The following ANKRD6 variants were observed in gnomAD, a reference collection of about 807,000 sequenced individuals.
The protein encoded by ANKRD6 is ankyrin repeat domain-containing protein 6.
Under a neutral mutation model 82.3 loss-of-function variants are expected in ANKRD6, and 56 were observed. The ratio of observed to expected loss-of-function variants is 0.68; its 90% CI spans 0.55 to 0.85. The LOEUF (loss-of-function observed/expected upper bound fraction) is 0.85. Ranked by LOEUF, ANKRD6 falls within the 40% of genes least tolerant of loss-of-function variation. The pLI, the probability that ANKRD6 is intolerant of heterozygous loss-of-function variation, is 0.00. For missense variants in ANKRD6, 852 were observed against 907.6 expected (o/e 0.94, Z 0.79); for synonymous variants, 347 against 352.1 (o/e 0.99, Z 0.16).
At chr6:89,505,824 T>C (rs1278707146) in intron 1 of ANKRD6, among the ~76,000 whole-genome samples, 1 of 152,254 alleles carries the variant, frequency 6.6e-6, no homozygotes, top group Non-Finnish European at 1.5e-5. Context: ...ATAGCCAAGA[T>C]GTGGAAATAA....
At chr6:89,495,811 A>G (rs1400871513) in intron 1 of ANKRD6, among the ~76,000 whole-genome samples, 3 of 152,190 alleles carry the variant, frequency 2.0e-5, no homozygotes, top group Admixed American at 1.3e-4. Context: ...CATGCTGTCT[A>G]GGACACTTTT....
At chr6:89,507,487 A>G (rs866745986) in intron 1 of ANKRD6, among the ~76,000 whole-genome samples, 2 of 152,222 alleles carry the variant, frequency 1.3e-5, no homozygotes, top group Non-Finnish European at 1.5e-5. Flanking sequence ...AAAGTTAATC[A>G]AGTGTCTTTA....
chr6:89,627,521 G>T, intron 13 of ANKRD6, 62 bp from the exon 14 acceptor site: 1 of 1,533,616 alleles, frequency 6.5e-7, no homozygotes, highest in South Asian at 1.1e-5. Context: ...TGCAGGAGCT[G>T]AGAAGCCAGG....
At position 89,558,937 on chromosome 6, in the gene ANKRD6, G is replaced by A. The variant is rs141472207; in HGVS notation, c.-143-7897G>A. Among the ~76,000 whole-genome samples, 136 of 152,160 alleles carry A rather than the reference G, an allele frequency of 8.9e-4. 2 individuals are homozygous for A. In the East Asian group the frequency reaches 0.017, roughly 19 times the overall value. On this transcript the variant is annotated intron_variant, in intron 1 of 15. Transcript: ENST00000339746. ...AAGGAGAGGAAAGGATGGAATAGAA[G>A]AAATAAATGAAGGAGGAAACAGGGC...
chr6:89,488,535 C>CA (rs1215293409), intron 1 of ANKRD6, among the ~76,000 whole-genome samples: 1 of 152,158 alleles, frequency 6.6e-6, no homozygotes, highest in Non-Finnish European at 1.5e-5. Flanking sequence ...GTTAGATTCT[C>CA]ATTAAGAACA....
intron 1 of ANKRD6, among the ~76,000 whole-genome samples, chr6:89,466,885 T>C (rs962809152): frequency 5.9e-5 from 9 of 152,324 alleles, no homozygotes; most frequent in African/African-American, 2.2e-4. Flanking sequence ...TTTTAATCTT[T>C]TTATAGAAAT....
At chr6:89,503,996 A>G (rs1447079491) in intron 1 of ANKRD6, among the ~76,000 whole-genome samples, 1 of 152,096 alleles carries the variant, frequency 6.6e-6, no homozygotes, top group Non-Finnish European at 1.5e-5. Context: ...ACCATTGTCC[A>G]GACCTGGGCG....
At chr6:89,487,650 A>G (rs1777521424) in intron 1 of ANKRD6, among the ~76,000 whole-genome samples, 2 of 152,246 alleles carry the variant, frequency 1.3e-5, no homozygotes, top group African/African-American at 2.4e-5. Context: ...CACAAAACAA[A>G]TCACATAAAG....
intron 1 of ANKRD6, among the ~76,000 whole-genome samples, chr6:89,539,426 A>T (rs10081068): frequency 0.86 from 130,513 of 152,138 alleles, 56,430 homozygotes; most frequent in South Asian, 0.96. Flanking sequence ...AGAAAACATT[A>T]AAAATTTTTA....
At chr6:89,490,540 G>T (rs768126293) in intron 1 of ANKRD6, among the ~76,000 whole-genome samples, 6 of 152,244 alleles carry the variant, frequency 3.9e-5, no homozygotes, top group Non-Finnish European at 7.3e-5. Context: ...CTGCCCTGGA[G>T]ATGCTCAGAT....
chr6:89,520,675 T>C lies in ANKRD6; in HGVS notation c.-143-46159T>C, dbSNP rs563836077. ...AGTACACAAACCCAGCCCTTCTTGT[T>C]TCATGTGAGCAATGGTGCGTGTTTT... On this transcript the variant is annotated intron_variant, in intron 1 of 15. Coordinates refer to ENST00000339746, the MANE Select transcript of ANKRD6 (RefSeq NM_001242809.2). 1.0e-3 allele frequency among the ~76,000 whole-genome samples: 155 copies of C among 152,364 alleles called. 2 individuals carry two copies. The South Asian group carries it at 0.031, about 31-fold the overall frequency.
At chr6:89,508,605 G>A (rs995818770) in intron 1 of ANKRD6, among the ~76,000 whole-genome samples, 4 of 152,190 alleles carry the variant, frequency 2.6e-5, no homozygotes, top group African/African-American at 7.2e-5. Flanking sequence ...TAAAGGGAGG[G>A]TGCCTCAGCT....
chr6:89,512,490 C>A (rs557898345), intron 1 of ANKRD6, among the ~76,000 whole-genome samples: 9 of 152,170 alleles, frequency 5.9e-5, no homozygotes, highest in Non-Finnish European at 1.0e-4. Context: ...AGTTAGGGGG[C>A]GGAGTGCAGT....
At chr6:89,542,159 T>G (rs957821209) in intron 1 of ANKRD6, among the ~76,000 whole-genome samples, 15 of 152,204 alleles carry the variant, frequency 9.9e-5, no homozygotes, top group Non-Finnish European at 1.6e-4. Context: ...AACATGCCTG[T>G]GGTGTCATTT....
chr6:89,597,999 G>GA (rs1796279640), intron 3 of ANKRD6: 5 of 603,038 alleles, frequency 8.3e-6, no homozygotes, highest in South Asian at 1.4e-4. Context: ...TCAGTTATTT[G>GA]AAAAAATCTC....
chr6:89,511,436 ATTAT>A (rs1302641464), intron 1 of ANKRD6, among the ~76,000 whole-genome samples: 1 of 152,176 alleles, frequency 6.6e-6, no homozygotes, highest in Non-Finnish European at 1.5e-5. Flanking sequence ...CTCATCTTGC[ATTAT>A]TTAAGACTAC....
intron 1 of ANKRD6, among the ~76,000 whole-genome samples, chr6:89,483,759 G>A (rs1777053645): frequency 6.6e-6 from 1 of 152,160 alleles, no homozygotes; most frequent in South Asian, 2.1e-4. Context: ...GAGAGAAACA[G>A]AGAGATATAT....
intron 1 of ANKRD6, among the ~76,000 whole-genome samples, chr6:89,518,126 G>T (rs1229883782): frequency 6.6e-6 from 1 of 152,236 alleles, no homozygotes; most frequent in Non-Finnish European, 1.5e-5. Context: ...CTTATGGCCG[G>T]GCGTGGTGGC....
rs538574964 is a variant in ANKRD6, at chr6:89,530,666, G to T, written c.-143-36168G>T. On this transcript the variant is annotated intron_variant, in intron 1 of 15. Transcript: ENST00000339746. ...GGCCACTCACAGTGCTTTATCTTGG[G>T]GCCAGTCAGGGCCAGCAGGAAGGGC... is the stretch of plus-strand genomic sequence containing the variant. 7.2e-5 allele frequency among the ~76,000 whole-genome samples: 11 copies of T among 152,316 alleles called. No individual in the cohort carries two copies. The South Asian group carries it at 1.5e-3, about 20-fold the overall frequency.
Sources: allele counts gnomAD v4.1 joint callset (sites outside exome capture counted in the v4.1 genomes callset), GRCh38; gene constraint gnomAD v4.1.1; transcripts MANE v1.5; gene names NCBI Gene and HGNC (gene_info 2026-07-23, HGNC 2026-07-21).